NEGR1: variants seen among roughly 807,000 people sequenced by gnomAD.
NEGR1 encodes neuronal growth regulator 1.
Under a neutral mutation model 40.9 loss-of-function variants are expected in NEGR1, and 10 were observed. The observed-to-expected ratio is 0.24, with a 90% CI of 0.15 to 0.42. The LOEUF is 0.42. NEGR1 is among the 10% of genes least tolerant of loss of function. NEGR1 has a pLI of 1.00. For missense variants in NEGR1, 352 were observed against 438.9 expected (o/e 0.80, Z 1.77); for synonymous variants, 185 against 166.8 (o/e 1.11, Z -0.84).
At chr1:71,568,255 G>GA (rs1206345319) in intron 6 of NEGR1, among the ~76,000 whole-genome samples, 2 of 152,098 alleles carry the variant, frequency 1.3e-5, no homozygotes, top group African/African-American at 4.8e-5. Flanking sequence ...CTTGATGGGG[G>GA]ATACGCATTC....
At chr1:72,269,500 G>A (rs1192100102) in intron 1 of NEGR1, among the ~76,000 whole-genome samples, 1 of 151,696 alleles carries the variant, frequency 6.6e-6, no homozygotes, top group African/African-American at 2.4e-5. Context: ...ATGAGTCTGA[G>A]CTTTGGAGAC....
chr1:71,878,044 C>A (rs977469828), intron 2 of NEGR1, among the ~76,000 whole-genome samples: 3 of 152,172 alleles, frequency 2.0e-5, no homozygotes, highest in South Asian at 2.1e-4. Flanking sequence ...CAAAATCATC[C>A]TCTCCTGGTA....
chr1:71,916,882 T>C (rs1452784810), intron 2 of NEGR1, among the ~76,000 whole-genome samples: 1 of 152,180 alleles, frequency 6.6e-6, no homozygotes, highest in Admixed American at 6.5e-5. Flanking sequence ...CAACCATAGG[T>C]AGTGTTTTTA....
intron 1 of NEGR1, among the ~76,000 whole-genome samples, chr1:72,007,143 G>A (rs995314255): frequency 5.3e-5 from 8 of 152,020 alleles, no homozygotes; most frequent in Non-Finnish European, 1.0e-4. Context: ...AAAAGGAGGT[G>A]TCATTTAAAT....
chr1:71,830,934 T>C (rs1658819095), intron 2 of NEGR1, among the ~76,000 whole-genome samples: 1 of 151,510 alleles, frequency 6.6e-6, no homozygotes, highest in African/African-American at 2.4e-5. Context: ...GATCACACCA[T>C]AGTTGTGGGA....
At chr1:72,085,679 T>C (rs1467032691) in intron 1 of NEGR1, among the ~76,000 whole-genome samples, 4 of 152,044 alleles carry the variant, frequency 2.6e-5, no homozygotes, top group Non-Finnish European at 5.9e-5. Context: ...TCTTAAGAAA[T>C]GTGATTCCGG....
intron 1 of NEGR1, among the ~76,000 whole-genome samples, chr1:72,155,226 T>A (rs1651315029): frequency 6.6e-6 from 1 of 151,992 alleles, no homozygotes; most frequent in African/African-American, 2.4e-5. Flanking sequence ...TCCAAAAGCA[T>A]CTCTCTTTAG....
At chr1:72,068,689 A>T (rs1569909075) in intron 1 of NEGR1, among the ~76,000 whole-genome samples, 1 of 152,300 alleles carries the variant, frequency 6.6e-6, no homozygotes, top group East Asian at 1.9e-4. Context: ...AATGTTATAT[A>T]ATCAGAACTG....
At chr1:72,209,128 T>A (rs1653508572) in intron 1 of NEGR1, among the ~76,000 whole-genome samples, 1 of 151,526 alleles carries the variant, frequency 6.6e-6, no homozygotes, top group African/African-American at 2.4e-5. Flanking sequence ...AGATTTAGAT[T>A]TTTTTTCTTA....
intron 4 of NEGR1, among the ~76,000 whole-genome samples, chr1:71,680,967 T>C (rs1322000826): frequency 1.3e-5 from 2 of 152,210 alleles, no homozygotes; most frequent in African/African-American, 2.4e-5. Flanking sequence ...TAGGTTTCAA[T>C]ATAACAAAAG....
intron 2 of NEGR1, among the ~76,000 whole-genome samples, chr1:71,927,726 T>C (rs1391405129): frequency 6.9e-6 from 1 of 144,602 alleles, no homozygotes; most frequent in Non-Finnish European, 1.5e-5. Flanking sequence ...ATGTCAGTAA[T>C]CCCAGCACTT....
chr1:71,691,754 T>C (rs1444463389), intron 4 of NEGR1, among the ~76,000 whole-genome samples: 1 of 151,752 alleles, frequency 6.6e-6, no homozygotes, highest in Admixed American at 6.6e-5. Context: ...TTCTTTTCTG[T>C]TTTGTGTCTT....
chr1:72,112,940 T>A (rs1649433816), intron 1 of NEGR1, among the ~76,000 whole-genome samples: 1 of 151,768 alleles, frequency 6.6e-6, no homozygotes, highest in Admixed American at 6.6e-5. Flanking sequence ...TCCTCCTTTT[T>A]AACACCACCT....
chr1:72,037,125 A>C (rs1646910470), intron 1 of NEGR1, among the ~76,000 whole-genome samples: 2 of 152,080 alleles, frequency 1.3e-5, no homozygotes, highest in African/African-American at 4.8e-5. Flanking sequence ...TTGTATCTGG[A>C]TTTTCACCTT....
chr1:72,202,261 C>T (rs1165077470), intron 1 of NEGR1, among the ~76,000 whole-genome samples: 1 of 151,832 alleles, frequency 6.6e-6, no homozygotes, highest in Non-Finnish European at 1.5e-5. Flanking sequence ...TTCCTCCATA[C>T]CTATCTTTCC....
Position 71,697,669 on chromosome 1 carries a change from T to C in NEGR1, c.667+339A>G, listed in dbSNP as rs563225455. Among the ~76,000 whole-genome samples, 418 of 151,926 alleles carry C rather than the reference T, an allele frequency of 2.8e-3. 3 individuals are homozygous for C. Among genetic ancestry groups the C allele is most frequent in the African/African-American group, 9.7e-3 (404 of 41,502 alleles). ...GGGAGTTACGCACTTAAATTTAGTG[T>C]TAGTGCACTTCAGGTAAAGCTCATG... On this transcript the variant is annotated intron_variant, in intron 4 of 6. Coordinates refer to ENST00000357731, the MANE Select transcript of NEGR1 (RefSeq NM_173808.3).
At chr1:71,897,073 C>G (rs1447234099) in intron 2 of NEGR1, among the ~76,000 whole-genome samples, 1 of 152,032 alleles carries the variant, frequency 6.6e-6, no homozygotes, top group Admixed American at 6.6e-5. Context: ...TGCACTGATT[C>G]CTTTTTTAAT....
At chr1:72,224,166 T>C (rs1654101187) in intron 1 of NEGR1, among the ~76,000 whole-genome samples, 2 of 151,218 alleles carry the variant, frequency 1.3e-5, no homozygotes, top group Admixed American at 6.6e-5. Flanking sequence ...CCCCAAGAAC[T>C]CAGGCTTTCA....
chr1:72,161,317 T>A (rs1434275617), intron 1 of NEGR1, among the ~76,000 whole-genome samples: 2 of 152,050 alleles, frequency 1.3e-5, no homozygotes, highest in Non-Finnish European at 2.9e-5. Flanking sequence ...AGGTTTGTGG[T>A]GGCTTGGAGT....
Sources: allele counts gnomAD v4.1 joint callset (sites outside exome capture counted in the v4.1 genomes callset), GRCh38; gene constraint gnomAD v4.1.1; transcripts MANE v1.5; gene names NCBI Gene and HGNC (gene_info 2026-07-23, HGNC 2026-07-21).